DOCK10: variants seen among roughly 807,000 people sequenced by gnomAD.
DOCK10 encodes the protein dedicator of cytokinesis 10, also known as dedicator of cytokinesis protein 10.
Under a neutral mutation model 280.1 loss-of-function variants are expected in DOCK10, and 145 were observed. The ratio of observed to expected loss-of-function variants is 0.52; its 90% CI spans 0.45 to 0.59. DOCK10 has a LOEUF of 0.59. DOCK10 is among the 20% of genes least tolerant of loss of function. The pLI, the probability that DOCK10 is intolerant of heterozygous loss-of-function variation, is 0.00. For synonymous variants in DOCK10, 915 were observed against 942.2 expected (o/e 0.97, Z 0.53); for missense variants, 2,368 against 2,651.7 (o/e 0.89, Z 2.35).
rs1695452430 is a variant in DOCK10, at chr2:224,834,258, C to A, written c.2856G>T (p.Val952=). Residue 952 remains valine (V), a synonymous_variant, in exon 26 of 56, where the codon GTG becomes GTT. Transcript: ENST00000258390. The stretch of plus-strand genomic sequence containing the variant: ...TCTCCTTGCATGCCCTGGTCTTGAA[C>A]ACGAACTGAAGAAAATCCAAAAAGT... ...DHSVQSYIKF[V]FKTRACKERT... 6.3e-7 allele frequency: 1 copy of A among 1,591,428 alleles called. No homozygotes were observed. The highest frequency in any genetic ancestry group is 8.6e-7 in the Non-Finnish European group (1 of 1,162,288).
intron 26 of DOCK10, among the ~76,000 whole-genome samples, chr2:224,832,312 T>C (rs1047716055): frequency 1.3e-5 from 2 of 152,198 alleles, no homozygotes; most frequent in African/African-American, 4.8e-5. Context: ...ACAAATTCTG[T>C]TCTGTGGTTC....
At chr2:224,992,501 A>G (rs1264053841) in intron 1 of DOCK10, among the ~76,000 whole-genome samples, 2 of 152,270 alleles carry the variant, frequency 1.3e-5, no homozygotes, top group Non-Finnish European at 2.9e-5. Context: ...TTGAAAGGAA[A>G]CAGGGACAAC....
At chr2:224,940,049 T>A (rs1158491102) in intron 1 of DOCK10, among the ~76,000 whole-genome samples, 1 of 152,166 alleles carries the variant, frequency 6.6e-6, no homozygotes, top group African/African-American at 2.4e-5. Flanking sequence ...AATGAAAGCG[T>A]CCTGATTTTC....
rs1483253747 is a variant in DOCK10, at chr2:224,931,620, C to T, written c.172G>A (p.Glu58Lys). ...TTCCGGTAGGTCTTTTCAAGTTCTT[C>T]AATGACAGTCTCATAATCCAAAGGC... is the stretch of plus-strand genomic sequence containing the variant. ...LEPLDYETVI[E>K]ELEKTYRNDP... The change falls in exon 2 of 56, where the codon GAA (glutamate) becomes AAA (lysine). Residue 58 changes from glutamate (E) to lysine (K), a missense_variant. By Grantham distance (56) the Glu-to-Lys change is moderately conservative. Around this residue, in one of 2 missense-constraint regions of DOCK10, gnomAD observed 1,209 missense variants for 1,250.9 expected, o/e 0.97. Transcript: ENST00000258390. 1.2e-6 allele frequency: 2 copies of T among 1,611,466 alleles called. No individual in the cohort carries two copies. The highest frequency in any genetic ancestry group is 1.7e-6 in the Non-Finnish European group (2 of 1,178,814).
Position 224,883,589 on chromosome 2 carries a change from T to C in DOCK10, c.747+2082A>G, listed in dbSNP as rs1699100159. Among the ~76,000 whole-genome samples the C allele has an allele frequency of 1.3e-5, 2 of 152,220 alleles. 1 individual carries two copies. The highest frequency in any genetic ancestry group is 2.9e-5 in the Non-Finnish European group (2 of 68,038). ...GTTCTAGTTTTACAGATGAGGAACC[T>C]GAGATCAAATTGGTCAAGTAACTTA... On this transcript the variant is annotated intron_variant, in intron 7 of 55. Transcript: ENST00000258390.
intron 27 of DOCK10, among the ~76,000 whole-genome samples, chr2:224,825,098 C>T (rs912956077): frequency 1.3e-5 from 2 of 151,694 alleles, no homozygotes; most frequent in African/African-American, 2.4e-5. Flanking sequence ...TCTGCTTCAG[C>T]CTCCTGAGTA....
chr2:224,836,601 A>ATT (rs774289520), intron 25 of DOCK10, among the ~76,000 whole-genome samples: 7 of 143,168 alleles, frequency 4.9e-5, no homozygotes, highest in Non-Finnish European at 7.7e-5. Flanking sequence ...GGAGTGTGGA[A>ATT]TTTTTTTTTT....
intron 1 of DOCK10, among the ~76,000 whole-genome samples, chr2:225,040,142 G>C (rs372541250): frequency 2.0e-5 from 3 of 152,074 alleles, no homozygotes; most frequent in Non-Finnish European, 4.4e-5. Flanking sequence ...CCAATGACAC[G>C]GTTTTAGGTT....
At chr2:224,910,473 G>A (rs1700947393) in intron 3 of DOCK10, among the ~76,000 whole-genome samples, 1 of 152,114 alleles carries the variant, frequency 6.6e-6, no homozygotes, top group Non-Finnish European at 1.5e-5. Context: ...TCCAGATGTT[G>A]GATCTGTCTA....
intron 26 of DOCK10, among the ~76,000 whole-genome samples, chr2:224,833,132 C>G (rs1259974861): frequency 6.6e-6 from 1 of 152,170 alleles, no homozygotes; most frequent in Non-Finnish European, 1.5e-5. Context: ...TTTTATCCCA[C>G]TGTAGTCGAT....
chr2:224,875,476 T>C (rs1698566898), intron 8 of DOCK10, among the ~76,000 whole-genome samples: 1 of 152,154 alleles, frequency 6.6e-6, no homozygotes, highest in Non-Finnish European at 1.5e-5. Context: ...TTCTTTCCTC[T>C]CTCTTGTTCC....
At chr2:224,921,158 C>T (rs1465105521) in intron 2 of DOCK10, among the ~76,000 whole-genome samples, 4 of 120,940 alleles carry the variant, frequency 3.3e-5, no homozygotes, top group Admixed American at 8.4e-5. Context: ...AAAAAATAGC[C>T]GGGCATGGTG....
rs772471912 is a variant in DOCK10, at chr2:224,844,818, A to C, written c.2503T>G (p.Trp835Gly). 1 of 1,607,956 alleles carries C rather than the reference A, an allele frequency of 6.2e-7. No homozygotes were observed. The highest frequency in any genetic ancestry group is 1.7e-5 in the Admixed American group (1 of 59,362). ...SGKHGGSDIK[W>G]VDGGKPLFKV... ...AAAAGTGGTTTGCCACCATCAACCCATTTAATGTCACTCCCACCATGCTGC... is the reference window on the plus strand; with the variant it reads ...AAAAGTGGTTTGCCACCATCAACCCCTTTAATGTCACTCCCACCATGCTGC... Residue 835 changes from tryptophan (W) to glycine (G), a missense_variant, in exon 22 of 56, where the codon TGG becomes GGG. By Grantham distance (184) the Trp-to-Gly change is radical. Transcript: ENST00000258390.
At chr2:225,040,648 G>A (rs1383507559) in intron 1 of DOCK10, among the ~76,000 whole-genome samples, 2 of 151,984 alleles carry the variant, frequency 1.3e-5, no homozygotes, top group East Asian at 3.9e-4. Context: ...AGTTTAAGCT[G>A]TTTATTCCAA....
intron 11 of DOCK10, among the ~76,000 whole-genome samples, chr2:224,870,197 C>T (rs898940391): frequency 2.0e-5 from 3 of 152,138 alleles, no homozygotes; most frequent in African/African-American, 7.2e-5. Context: ...TTTCCCTTTG[C>T]TGCCGCCATG....
Position 224,965,297 on chromosome 2 carries a change from A to G in DOCK10, c.124-33629T>C, listed in dbSNP as rs143495437. On this transcript the variant is annotated intron_variant, in intron 1 of 55. Transcript: ENST00000258390. ...GCCCAGATTTCATGTTGTGTCAGAG[A>G]GGGAGCAGAGCCTGGCAGGTAGGAA... 7.9e-5 allele frequency among the ~76,000 whole-genome samples: 12 copies of G among 152,314 alleles called. No individual in the cohort carries two copies. In the East Asian group the frequency reaches 2.3e-3, roughly 29 times the overall value.
chr2:224,847,030 G>A (rs574228119), intron 19 of DOCK10, among the ~76,000 whole-genome samples: 2 of 152,172 alleles, frequency 1.3e-5, no homozygotes, highest in Non-Finnish European at 2.9e-5. Flanking sequence ...AAACATATCT[G>A]TGTTACTGTG....
chr2:224,982,251 C>A, intron 1 of DOCK10: 1 of 1,231,964 alleles, frequency 8.1e-7, no homozygotes, highest in South Asian at 4.1e-5. Context: ...TCGTCACTTT[C>A]CAGAGGCAAA....
chr2:225,017,373 A>G (rs2106088000), intron 1 of DOCK10, among the ~76,000 whole-genome samples: 1 of 152,214 alleles, frequency 6.6e-6, no homozygotes, highest in Middle Eastern at 3.4e-3. Context: ...GGAGAGAAAT[A>G]GAAATAAAAT....
Sources: gnomAD v4.1 joint callset for allele counts (sites outside exome capture counted in the v4.1 genomes callset) on GRCh38, gnomAD v4.1.1 for gene constraint, gnomAD v4.1.1 regional missense constraint, MANE v1.5 for transcripts, NCBI Gene and HGNC (gene_info 2026-07-23, HGNC 2026-07-21) for gene names.